The following GRIA3 variants were observed in gnomAD, a reference collection of about 807,000 sequenced individuals.
GRIA3 encodes glutamate receptor 3.
GRIA3 carries 3 observed loss-of-function variants against 63.0 expected under a neutral mutation model. That is an observed-to-expected ratio of 0.05 (90% CI 0.02 to 0.12). GRIA3 has a LOEUF of 0.12. Ranked by LOEUF, GRIA3 falls within the 10% of genes least tolerant of loss-of-function variation. The pLI is 1.00. For synonymous variants in GRIA3, 274 were observed against 257.9 expected (o/e 1.06, Z -0.60); for missense variants, 347 against 700.9 (o/e 0.50, Z 5.70).
At chrX:123,305,898 C>T (rs1603083119) in intron 3 of GRIA3, among the ~76,000 whole-genome samples, 1 of 112,195 alleles carries the variant, frequency 8.9e-6, no homozygotes, top group East Asian at 2.8e-4. Context: ...CATAGGTAGA[C>T]AGAATAGCTG....
intron 4 of GRIA3, among the ~76,000 whole-genome samples, chrX:123,353,018 C>CAT (rs1405292415): frequency 3.4e-5 from 2 of 57,996 alleles, no homozygotes; most frequent in South Asian, 1.6e-3. Flanking sequence ...CTCTCTCTCT[C>CAT]ATACACACAC....
intron 3 of GRIA3, among the ~76,000 whole-genome samples, chrX:123,258,982 T>G (rs984589779): frequency 3.6e-5 from 4 of 112,419 alleles, no homozygotes; most frequent in Non-Finnish European, 5.6e-5. Context: ...AGAAGCAGAA[T>G]TAGATCTCAG....
chrX:123,310,876 A>G (rs779475692), intron 3 of GRIA3, among the ~76,000 whole-genome samples: 45 of 110,773 alleles, frequency 4.1e-4, no homozygotes, highest in Non-Finnish European at 3.4e-4. Context: ...GGTGGCACAC[A>G]CTTGCAATCC....
chrX:123,359,350 A>G (rs1328406975), intron 5 of GRIA3, among the ~76,000 whole-genome samples: 1 of 111,372 alleles, frequency 9.0e-6, no homozygotes, highest in East Asian at 2.8e-4. Context: ...CCTCTATGGC[A>G]AAAAATTGAA....
chrX:123,190,031 T>A (rs1927386995), intron 2 of GRIA3, among the ~76,000 whole-genome samples: 3 of 112,037 alleles, frequency 2.7e-5, no homozygotes, highest in Admixed American at 9.4e-5. Context: ...TAACTATTTA[T>A]GTCCATTTGG....
chrX:123,419,998 G>A (rs1180450824), intron 11 of GRIA3, among the ~76,000 whole-genome samples: 9 of 111,957 alleles, frequency 8.0e-5, no homozygotes, highest in African/African-American at 2.9e-4. Flanking sequence ...AATGTCCTGA[G>A]CCTCACAAAC....
intron 3 of GRIA3, among the ~76,000 whole-genome samples, chrX:123,254,378 C>G (rs1165102594): frequency 9.0e-6 from 1 of 111,420 alleles, no homozygotes; most frequent in Admixed American, 9.5e-5. Context: ...CCTCCAACAC[C>G]CAGTTGTCTT....
chrX:123,320,769 C>T (rs780982833), intron 3 of GRIA3, among the ~76,000 whole-genome samples: 78 of 112,102 alleles, frequency 7.0e-4, no homozygotes, highest in African/African-American at 2.4e-3. Context: ...AGTGCGGCTG[C>T]ACTTGTGCAA....
chrX:123,433,000 C>T (rs1044776643), intron 12 of GRIA3, among the ~76,000 whole-genome samples: 45 of 111,682 alleles, frequency 4.0e-4, no homozygotes, highest in African/African-American at 1.4e-3. Context: ...ATGTATACCA[C>T]ACCCAGAAAC....
intron 15 of GRIA3, among the ~76,000 whole-genome samples, chrX:123,488,279 T>C (rs1259972070): frequency 1.8e-5 from 2 of 112,665 alleles, no homozygotes; most frequent in Admixed American, 1.9e-4. Context: ...CTCACTTTTC[T>C]AGCAATAAGC....
chrX:123,341,975 T>G (rs5909995), intron 4 of GRIA3, among the ~76,000 whole-genome samples: 44,882 of 103,123 alleles, frequency 0.44, 6,826 homozygotes, highest in Non-Finnish European at 0.47. Flanking sequence ...TAAGAGTGGG[T>G]TTTTTTTTTT....
At chrX:123,254,392 C>T (rs764602005) in intron 3 of GRIA3, among the ~76,000 whole-genome samples, 4 of 111,636 alleles carry the variant, frequency 3.6e-5, no homozygotes, top group East Asian at 2.8e-4. Flanking sequence ...TTGTCTTTGA[C>T]GGGTTCCTTG....
At chrX:123,322,313 T>C (rs181971618) in intron 3 of GRIA3, among the ~76,000 whole-genome samples, 57 of 112,116 alleles carry the variant, frequency 5.1e-4, no homozygotes, top group African/African-American at 1.8e-3. Context: ...TACCATTCTT[T>C]AAAATGAGGA....
chrX:123,451,169 AG>A (rs2045727970), intron 12 of GRIA3, among the ~76,000 whole-genome samples: 3 of 111,253 alleles, frequency 2.7e-5, no homozygotes, highest in South Asian at 7.6e-4. Flanking sequence ...CTGCTATGTC[AG>A]GGCAAAAGTT....
intron 4 of GRIA3, among the ~76,000 whole-genome samples, chrX:123,345,199 C>T (rs1450688436): frequency 1.8e-5 from 2 of 111,209 alleles, no homozygotes; most frequent in Non-Finnish European, 3.8e-5. Context: ...TAATGAAGCA[C>T]GAATAAGGCC....
intron 2 of GRIA3, among the ~76,000 whole-genome samples, chrX:123,246,524 G>A (rs755787154): frequency 9.9e-5 from 11 of 111,468 alleles, no homozygotes; most frequent in Non-Finnish European, 1.5e-4. Flanking sequence ...CTCTGATACC[G>A]ACTCTCATTT....
chrX:123,346,495 T>C (rs1393134929), intron 4 of GRIA3, among the ~76,000 whole-genome samples: 1 of 112,059 alleles, frequency 8.9e-6, no homozygotes, highest in Non-Finnish European at 1.9e-5. Flanking sequence ...TCAAGAGAAA[T>C]AGCCCTCTAA....
At chrX:123,323,659 G>C (rs1197461452) in intron 3 of GRIA3, among the ~76,000 whole-genome samples, 2 of 111,702 alleles carry the variant, frequency 1.8e-5, no homozygotes, top group Non-Finnish European at 3.8e-5. Context: ...CTGAATAAGT[G>C]AGTGAGGCCA....
At chrX:123,453,471 C>T (rs1320730825) in intron 12 of GRIA3, among the ~76,000 whole-genome samples, 2 of 111,099 alleles carry the variant, frequency 1.8e-5, no homozygotes, top group Non-Finnish European at 3.8e-5. Context: ...AGCACACCAA[C>T]ATGGCACATG....
Sources: gnomAD v4.1 joint callset for allele counts (sites outside exome capture counted in the v4.1 genomes callset) on GRCh38, gnomAD v4.1.1 for gene constraint, MANE v1.5 for transcripts, NCBI Gene and HGNC (gene_info 2026-07-23, HGNC 2026-07-21) for gene names.